Variants in THEMIS observed in about 807,000 individuals in gnomAD.
THEMIS encodes thymocyte selection associated, also known as protein THEMIS.
A neutral mutation model predicts 52.6 loss-of-function variants in THEMIS; 37 were observed. The observed-to-expected ratio is 0.70, with a 90% CI of 0.54 to 0.93. The LOEUF is 0.93. THEMIS is among the 40% of genes least tolerant of loss of function. THEMIS has a pLI of 0.00. For synonymous variants in THEMIS, 292 were observed against 272.7 expected, an observed-to-expected ratio of 1.07 and a Z score of -0.70; for missense variants, 808 against 763.1, an observed-to-expected ratio of 1.06 and a Z score of -0.69.
At chr6:127,761,439 G>T (rs895464723) in intron 4 of THEMIS, among the ~76,000 whole-genome samples, 1 of 152,136 alleles carries the variant, frequency 6.6e-6, no homozygotes, top group Non-Finnish European at 1.5e-5. Flanking sequence ...GGACTTCCCT[G>T]GGACTCCACA....
At chr6:127,832,406 T>G (rs960613459) in intron 2 of THEMIS, among the ~76,000 whole-genome samples, 2 of 152,174 alleles carry the variant, frequency 1.3e-5, no homozygotes, top group Non-Finnish European at 2.9e-5. Context: ...CATATACTAT[T>G]GCAGCCAATC....
intron 1 of THEMIS, among the ~76,000 whole-genome samples, chr6:127,865,081 G>A (rs1435040226): frequency 6.6e-6 from 1 of 152,094 alleles, no homozygotes; most frequent in Non-Finnish European, 1.5e-5. Context: ...GATTTTACTG[G>A]AGGTTGATCA....
At chr6:127,814,453 C>A (rs1179496452) in intron 3 of THEMIS, among the ~76,000 whole-genome samples, 1 of 152,142 alleles carries the variant, frequency 6.6e-6, no homozygotes, top group African/African-American at 2.4e-5. Context: ...AACCTTTATA[C>A]CAAATCATAT....
downstream of THEMIS, among the ~76,000 whole-genome samples, chr6:127,705,739 C>A (rs1469451565): frequency 4.6e-4 from 70 of 152,106 alleles, no homozygotes; most frequent in Non-Finnish European, 4.4e-5. Flanking sequence ...CAATTTGTCA[C>A]AAGGGAGATG....
chr6:127,821,746 TAAAG>T (rs1391130993), intron 3 of THEMIS, among the ~76,000 whole-genome samples: 3 of 152,022 alleles, frequency 2.0e-5, no homozygotes, highest in Non-Finnish European at 4.4e-5. Context: ...AAAGAGAAAA[TAAAG>T]AGTTACCTTT....
intron 1 of THEMIS, among the ~76,000 whole-genome samples, chr6:127,880,579 A>G (rs1780453268): frequency 6.6e-6 from 1 of 151,522 alleles, no homozygotes; most frequent in African/African-American, 2.4e-5. Context: ...ATTAAAAAAA[A>G]AAAAAAAAAG....
At chr6:127,853,952 C>T (rs774119572) in intron 2 of THEMIS, among the ~76,000 whole-genome samples, 2 of 151,640 alleles carry the variant, frequency 1.3e-5, no homozygotes, top group Non-Finnish European at 3.0e-5. Flanking sequence ...TATTCCTTTT[C>T]AAGCCCCACA....
intron 3 of THEMIS, among the ~76,000 whole-genome samples, chr6:127,817,750 G>A (rs1178772603): frequency 6.6e-6 from 1 of 152,122 alleles, no homozygotes; most frequent in East Asian, 1.9e-4. Context: ...GACTGCTGGA[G>A]GCAGCACCTG....
chr6:127,755,990 G>A (rs576805001), intron 4 of THEMIS, among the ~76,000 whole-genome samples: 11 of 151,642 alleles, frequency 7.3e-5, no homozygotes, highest in South Asian at 6.2e-4. Flanking sequence ...TCACACCACC[G>A]CACTCCAGCC....
chr6:127,881,927 TCTA>T (rs1780495884), intron 1 of THEMIS, among the ~76,000 whole-genome samples: 1 of 151,628 alleles, frequency 6.6e-6, no homozygotes, highest in Non-Finnish European at 1.5e-5. Context: ...TTTATTGACT[TCTA>T]CTATATATTC....
chr6:127,732,836 A>C (rs1440276520), intron 4 of THEMIS, among the ~76,000 whole-genome samples: 1 of 152,214 alleles, frequency 6.6e-6, no homozygotes, highest in Non-Finnish European at 1.5e-5. Context: ...CACGTGTCAC[A>C]CATTTCTATT....
chr6:127,738,567 C>T (rs910696823), intron 4 of THEMIS, among the ~76,000 whole-genome samples: 4 of 152,176 alleles, frequency 2.6e-5, no homozygotes, highest in South Asian at 2.1e-4. Context: ...TACCTACGAC[C>T]TTGACGATTA....
rs1381285281 is a variant in THEMIS, at chr6:127,787,858, G to GACAGAT, written c.1758+25024_1758+25025insATCTGT. Among the ~76,000 whole-genome samples the GACAGAT allele has an allele frequency of 1.9e-4, 25 of 130,966 alleles. No individual in the cohort carries two copies. In the East Asian group the frequency reaches 4.1e-3, roughly 21 times the overall value. The allele number at this position is 130,966 out of a possible 152,430, so 85.9% of individuals were successfully genotyped here. On this transcript the variant is annotated intron_variant, in intron 4 of 5. Coordinates refer to ENST00000368248, the MANE Select transcript of THEMIS (RefSeq NM_001010923.3). ...AGATAGAGATAGACAGATATAGATA[G>GACAGAT]ATAGATAGATAGATAGATAGATATA...
At chr6:127,910,206 TG>T (rs1334431325) in intron 1 of THEMIS, among the ~76,000 whole-genome samples, 18 of 152,142 alleles carry the variant, frequency 1.2e-4, no homozygotes, top group South Asian at 4.1e-4. Context: ...TTATAGATGA[TG>T]TTTTTTTATA....
intron 1 of THEMIS, among the ~76,000 whole-genome samples, chr6:127,859,697 T>C (rs1025726988): frequency 2.6e-5 from 4 of 152,148 alleles, no homozygotes; most frequent in African/African-American, 9.7e-5. Flanking sequence ...AAGCTGACTA[T>C]GTTGTGAATT....
upstream of THEMIS, among the ~76,000 whole-genome samples, chr6:127,902,492 T>A (rs1489298470): frequency 6.6e-6 from 1 of 152,008 alleles, no homozygotes; most frequent in Non-Finnish European, 1.5e-5. Context: ...TCAGGGGACA[T>A]CTCAGTTCTA....
intron 4 of THEMIS, among the ~76,000 whole-genome samples, chr6:127,762,938 C>A (rs371940493): frequency 8.6e-5 from 13 of 151,790 alleles, no homozygotes; most frequent in Admixed American, 2.0e-4. Context: ...AAGATTTAAT[C>A]AGCTGTTTAT....
intron 4 of THEMIS, among the ~76,000 whole-genome samples, chr6:127,736,348 T>C (rs1775005435): frequency 6.6e-6 from 1 of 152,116 alleles, no homozygotes; most frequent in South Asian, 2.1e-4. Flanking sequence ...AACATATATA[T>C]AGCATCTGAA....
chr6:127,759,206 A>G (rs557411803), intron 4 of THEMIS, among the ~76,000 whole-genome samples: 1 of 152,246 alleles, frequency 6.6e-6, no homozygotes, highest in South Asian at 2.1e-4. Context: ...AGAAAATTGC[A>G]TATACTAAAC....
Sources: allele counts gnomAD v4.1 joint callset (sites outside exome capture counted in the v4.1 genomes callset), GRCh38; gene constraint gnomAD v4.1.1; transcripts MANE v1.5; gene names NCBI Gene and HGNC (gene_info 2026-07-23, HGNC 2026-07-21).